Variants in DACH2 observed in about 807,000 individuals in gnomAD.
DACH2 encodes the protein dachshund homolog 2.
DACH2 carries 17 observed loss-of-function variants against 35.8 expected under a neutral mutation model. The ratio of observed to expected loss-of-function variants is 0.48; its 90% CI spans 0.33 to 0.71. DACH2 has a LOEUF of 0.71. DACH2 is among the 30% of genes least tolerant of loss of function. The pLI, the probability that DACH2 is intolerant of heterozygous loss-of-function variation, is 0.02. For missense variants in DACH2, 469 were observed against 472.7 expected (o/e 0.99, Z 0.07); for synonymous variants, 195 against 177.3 (o/e 1.10, Z -0.79).
intron 1 of DACH2, among the ~76,000 whole-genome samples, chrX:86,255,663 C>A (rs184423524): frequency 8.9e-6 from 1 of 111,792 alleles, no homozygotes; most frequent in East Asian, 2.8e-4. Context: ...AAATGTTATT[C>A]TCTTTTCCTT....
chrX:86,263,028 T>G (rs2033654154), intron 1 of DACH2: 1 of 747,083 alleles, frequency 1.3e-6, no homozygotes, highest in Non-Finnish European at 1.6e-6. Context: ...ACATTTTAAT[T>G]CTTTGTGCTA....
chrX:86,583,613 C>A (rs1656008794), intron 3 of DACH2, among the ~76,000 whole-genome samples: 1 of 106,078 alleles, frequency 9.4e-6, no homozygotes, highest in Non-Finnish European at 2.0e-5. Context: ...TTTTTTAAAC[C>A]ATACTTTATT....
At chrX:86,293,569 T>A (rs1468939672) in intron 1 of DACH2, among the ~76,000 whole-genome samples, 1 of 110,749 alleles carries the variant, frequency 9.0e-6, no homozygotes, top group African/African-American at 3.3e-5. Context: ...TACCGGTTGT[T>A]CCTTTCCATG....
At chrX:86,431,710 C>A (rs1382033603) in intron 2 of DACH2, among the ~76,000 whole-genome samples, 1 of 111,492 alleles carries the variant, frequency 9.0e-6, no homozygotes, top group East Asian at 2.8e-4. Flanking sequence ...GCCATTTGTA[C>A]AGTCTCTTAA....
At chrX:86,285,359 T>A (rs2034123222) in intron 1 of DACH2, among the ~76,000 whole-genome samples, 1 of 111,938 alleles carries the variant, frequency 8.9e-6, no homozygotes, top group Non-Finnish European at 1.9e-5. Context: ...ATTCCATCAA[T>A]TTTTGTATGT....
chrX:86,236,678 G>T (rs2033063122), intron 1 of DACH2, among the ~76,000 whole-genome samples: 1 of 111,646 alleles, frequency 9.0e-6, no homozygotes. Flanking sequence ...ACATAGAAAA[G>T]GTACAGTAAA....
intron 2 of DACH2, among the ~76,000 whole-genome samples, chrX:86,494,299 G>T (rs2038136034): frequency 8.9e-6 from 1 of 111,871 alleles, no homozygotes; most frequent in African/African-American, 3.3e-5. Context: ...ATTTATAATT[G>T]CTTCTAAATG....
chrX:86,160,796 T>C (rs1355868153), intron 1 of DACH2: 3 of 473,865 alleles, frequency 6.3e-6, no homozygotes, highest in Non-Finnish European at 1.1e-5. Flanking sequence ...TTATTTCAGT[T>C]GTAACATCGA....
In DACH2 at chrX:86,695,027, G is replaced by T; in HGVS notation, c.779G>T (p.Ser260Ile). 1 of 1,047,764 alleles carries T rather than the reference G, an allele frequency of 9.5e-7. No individual in the cohort carries two copies. 86.3% of individuals were successfully genotyped at this position (1,047,764 alleles called of 1,213,427 possible). Reference sequence around the variant, plus strand: ...TTATATGAATATTTTTCAGGTGGAAGTGAATCCTCCTGGGATAAAGATAAG... The same window carrying T: ...TTATATGAATATTTTTCAGGTGGAATTGAATCCTCCTGGGATAAAGATAAG... ...PDDLNSNTGG[S>I]ESSWDKDKMQ... Residue 260 changes from serine (S) to isoleucine (I), a missense_variant, in exon 5 of 12, where the codon AGT becomes ATT. By Grantham distance (142) the Ser-to-Ile change is moderately radical (BLOSUM62 -2). This residue lies in a region of DACH2 where 363 missense variants were observed against 334.4 expected (regional missense o/e 1.09). Coordinates refer to ENST00000373125, the MANE Select transcript of DACH2 (RefSeq NM_053281.3).
At chrX:86,335,237 C>T (rs1407774383) in intron 1 of DACH2, among the ~76,000 whole-genome samples, 3 of 111,489 alleles carry the variant, frequency 2.7e-5, no homozygotes, top group Non-Finnish European at 3.8e-5. Flanking sequence ...TACACATGCT[C>T]TTTTTTGGTT....
rs773905194 is a variant in DACH2 at position 86,304,191 on chromosome X, C to A, written c.489-72633C>A. Reference sequence around the variant, plus strand: ...CACATGTAGAAGAATGGAACTAGACCCCTCTCTCTTACCCTACACAAAAAT... The same window carrying A: ...CACATGTAGAAGAATGGAACTAGACACCTCTCTCTTACCCTACACAAAAAT... On this transcript the variant is annotated intron_variant, in intron 1 of 11. Coordinates refer to ENST00000373125, the MANE Select transcript of DACH2 (RefSeq NM_053281.3). Among the ~76,000 whole-genome samples the A allele has an allele frequency of 6.3e-5, 7 of 111,382 alleles. No individual in the cohort carries two copies. The East Asian group carries it at 1.1e-3, about 18-fold the overall frequency.
chrX:86,406,808 C>T (rs1325045967), intron 2 of DACH2, among the ~76,000 whole-genome samples: 2 of 111,876 alleles, frequency 1.8e-5, no homozygotes, highest in Admixed American at 1.9e-4. Context: ...GAGAGTGCAC[C>T]TCCTCATATA....
intron 7 of DACH2, among the ~76,000 whole-genome samples, chrX:86,782,081 T>C (rs186155832): frequency 5.0e-4 from 56 of 111,996 alleles, no homozygotes; most frequent in Non-Finnish European, 1.9e-4. Context: ...TATCTCATTA[T>C]CAATATCACA....
intron 1 of DACH2, among the ~76,000 whole-genome samples, chrX:86,313,953 G>A (rs182516257): frequency 9.0e-6 from 1 of 111,619 alleles, no homozygotes; most frequent in African/African-American, 3.3e-5. Context: ...TATTACATCT[G>A]TTATGGTGAT....
At chrX:86,335,141 A>G (rs1164513498) in intron 1 of DACH2, among the ~76,000 whole-genome samples, 1 of 111,956 alleles carries the variant, frequency 8.9e-6, no homozygotes, top group East Asian at 2.8e-4. Context: ...TACCAGTACC[A>G]TGCTGTTTTG....
At chrX:86,679,620 G>C (rs199966653) in intron 4 of DACH2, among the ~76,000 whole-genome samples, 1,757 of 47,118 alleles carry the variant, frequency 0.037, 31 homozygotes, top group African/African-American at 0.12. Context: ...CTGTCTCTGT[G>C]TGTGTGTGTG....
intron 1 of DACH2, among the ~76,000 whole-genome samples, chrX:86,266,543 A>C (rs754214410): frequency 6.3e-5 from 7 of 111,918 alleles, no homozygotes; most frequent in Non-Finnish European, 1.1e-4. Flanking sequence ...CCGTGTCTTC[A>C]TGCAAAGTTT....
intron 1 of DACH2, among the ~76,000 whole-genome samples, chrX:86,308,445 A>G (rs2034733832): frequency 8.9e-6 from 1 of 112,343 alleles, no homozygotes; most frequent in Non-Finnish European, 1.9e-5. Flanking sequence ...CAGTATTCCT[A>G]GAAGTGAAAT....
intron 11 of DACH2, among the ~76,000 whole-genome samples, chrX:86,820,461 AC>A (rs1270626845): frequency 1.8e-5 from 2 of 109,687 alleles, no homozygotes; most frequent in East Asian, 5.7e-4. Context: ...AACCTACTAG[AC>A]CTTTTTTTTT....
Sources: allele counts gnomAD v4.1 joint callset (sites outside exome capture counted in the v4.1 genomes callset), GRCh38; gene constraint gnomAD v4.1.1; regional missense constraint gnomAD v4.1.1; transcripts MANE v1.5; gene names NCBI Gene and HGNC (gene_info 2026-07-23, HGNC 2026-07-21).